The following TENM3 variants were observed in gnomAD, a reference collection of about 807,000 sequenced individuals.
TENM3 encodes teneurin-3.
Under a neutral mutation model 255.1 loss-of-function variants are expected in TENM3, and 63 were observed. That is an observed-to-expected ratio of 0.25 (90% CI 0.20 to 0.30). The LOEUF (loss-of-function observed/expected upper bound fraction) is 0.30. Ranked by LOEUF, TENM3 falls within the 10% of genes least tolerant of loss-of-function variation. The pLI, the probability that TENM3 is intolerant of heterozygous loss-of-function variation, is 1.00. For missense variants in TENM3, 2,929 were observed against 3,461.1 expected (o/e 0.85, Z 3.86); for synonymous variants, 1,306 against 1,322.3 (o/e 0.99, Z 0.27).
chr4:182,544,813 A>G (rs1349678643), intron 3 of TENM3, among the ~76,000 whole-genome samples: 1 of 152,220 alleles, frequency 6.6e-6, no homozygotes, highest in African/African-American at 2.4e-5. Flanking sequence ...AGTCAAATAT[A>G]TGCCCACACT....
chr4:182,738,362 G>T (rs1579297932), intron 17 of TENM3, 39 bp from the exon 18 acceptor site: 2 of 1,529,122 alleles, frequency 1.3e-6, no homozygotes, highest in African/African-American at 2.8e-5. Context: ...ATTTCCCCCA[G>T]TCGTTGGAAA....
At chr4:182,300,995 C>G (rs564277736) in intron 1 of TENM3, among the ~76,000 whole-genome samples, 1 of 152,204 alleles carries the variant, frequency 6.6e-6, no homozygotes, top group East Asian at 1.9e-4. Context: ...TTTTCTGTTG[C>G]ATTTGAATTT....
the TENM3 span, among the ~76,000 whole-genome samples, chr4:182,025,363 A>AT: frequency 6.6e-6 from 1 of 152,146 alleles, no homozygotes; most frequent in Non-Finnish European, 1.5e-5. Flanking sequence ...ATAGTATTCC[A>AT]TTGTGTGTAT....
the TENM3 span, among the ~76,000 whole-genome samples, chr4:182,098,503 A>AT: frequency 6.6e-6 from 1 of 152,254 alleles, no homozygotes; most frequent in South Asian, 2.1e-4. Flanking sequence ...CTATTCAGCC[A>AT]TAAAAAGAAT....
At chr4:181,604,173 G>C in the TENM3 span, among the ~76,000 whole-genome samples, 2 of 152,130 alleles carry the variant, frequency 1.3e-5, no homozygotes, top group African/African-American at 4.8e-5. Flanking sequence ...GCTGAGGCAG[G>C]AGAATGGCGT....
At chr4:181,679,272 C>T in the TENM3 span, among the ~76,000 whole-genome samples, 2 of 152,110 alleles carry the variant, frequency 1.3e-5, no homozygotes, top group African/African-American at 4.8e-5. Context: ...AAATCTTCTT[C>T]CACCACATGG....
chr4:181,571,332 A>G, the TENM3 span, among the ~76,000 whole-genome samples: 1 of 152,052 alleles, frequency 6.6e-6, no homozygotes, highest in African/African-American at 2.4e-5. Context: ...TAATTATTTT[A>G]TTTTATCTTA....
chr4:182,752,045 G>T lies in TENM3; in HGVS notation c.3862+13G>T. The T allele has an allele frequency of 1.4e-6, 2 of 1,435,034 alleles. No individual in the cohort carries two copies. The highest frequency in any genetic ancestry group is 1.9e-6 in the Non-Finnish European group (2 of 1,073,450). The allele number at this position is 1,435,034 out of a possible 1,614,324, so 88.9% of individuals were successfully genotyped here. A position where few individuals can be genotyped will look rare whatever the true frequency, so the allele number is the denominator to read the frequency against. On this transcript the variant is annotated intron_variant, in intron 20 of 27. Transcript: ENST00000511685. The stretch of plus-strand genomic sequence containing the variant: ...ATGAGTCCCAAAGGTACCGGCAGTT[G>T]GCGATTTGAGGATTTCTTTTTATTT...
At chr4:181,592,497 T>C in the TENM3 span, among the ~76,000 whole-genome samples, 2 of 151,376 alleles carry the variant, frequency 1.3e-5, no homozygotes, top group Non-Finnish European at 2.9e-5. Flanking sequence ...CAGGAAGGAG[T>C]CCTGTTTGTT....
the TENM3 span, among the ~76,000 whole-genome samples, chr4:181,653,289 G>T: frequency 6.6e-6 from 1 of 152,170 alleles, no homozygotes; most frequent in Admixed American, 6.5e-5. Context: ...AGTAGGTCTG[G>T]GGCAGGATCG....
the TENM3 span, among the ~76,000 whole-genome samples, chr4:182,010,009 C>T: frequency 2.0e-5 from 3 of 152,302 alleles, no homozygotes; most frequent in South Asian, 4.1e-4. Context: ...TCCTTCTCTC[C>T]GTGGGTCCCG....
chr4:182,072,888 T>A, the TENM3 span, among the ~76,000 whole-genome samples: 1 of 152,146 alleles, frequency 6.6e-6, no homozygotes, highest in East Asian at 1.9e-4. Context: ...ATGACAGTAT[T>A]TGGAAATAGG....
the TENM3 span, among the ~76,000 whole-genome samples, chr4:181,818,468 T>C: frequency 6.6e-6 from 1 of 152,174 alleles, no homozygotes; most frequent in East Asian, 1.9e-4. Context: ...GCTTCACCAA[T>C]CTACATTGCC....
At chr4:182,455,548 T>C (rs1773797803) in intron 3 of TENM3, among the ~76,000 whole-genome samples, 1 of 135,598 alleles carries the variant, frequency 7.4e-6, no homozygotes, top group Non-Finnish European at 1.5e-5. Flanking sequence ...ACTTGCATGG[T>C]ATTTCTTTTT....
intron 1 of TENM3, among the ~76,000 whole-genome samples, chr4:182,183,940 G>A (rs2149752311): frequency 6.6e-6 from 1 of 152,064 alleles, no homozygotes; most frequent in East Asian, 1.9e-4. Context: ...AACTACAAGT[G>A]GCCTTTTCTA....
chr4:182,256,241 A>G (rs2150138169), intron 1 of TENM3, among the ~76,000 whole-genome samples: 1 of 152,364 alleles, frequency 6.6e-6, no homozygotes, highest in Admixed American at 6.5e-5. Flanking sequence ...ATAGCTATAA[A>G]GAAGAATAGA....
At chr4:181,826,531 T>C in the TENM3 span, among the ~76,000 whole-genome samples, 12 of 152,206 alleles carry the variant, frequency 7.9e-5, no homozygotes, top group Non-Finnish European at 1.6e-4. Flanking sequence ...TAAATTTGAA[T>C]CCCTACTAAG....
chr4:182,483,411 A>G (rs148883043), intron 3 of TENM3, among the ~76,000 whole-genome samples: 3 of 152,338 alleles, frequency 2.0e-5, no homozygotes, highest in South Asian at 4.1e-4. Context: ...TTGTAGTCAC[A>G]TAGTTAATGT....
the TENM3 span, among the ~76,000 whole-genome samples, chr4:181,831,638 C>G: frequency 5.3e-5 from 8 of 151,766 alleles, no homozygotes; most frequent in Middle Eastern, 3.4e-3. Context: ...TTGAAAAAAA[C>G]TAGGAATGTT....
Sources: allele counts gnomAD v4.1 joint callset (sites outside exome capture counted in the v4.1 genomes callset), GRCh38; gene constraint gnomAD v4.1.1; transcripts MANE v1.5; gene names NCBI Gene and HGNC (gene_info 2026-07-23, HGNC 2026-07-21).